MYT1L: variants seen among roughly 807,000 people sequenced by gnomAD.
The protein encoded by MYT1L is myelin transcription factor 1-like protein.
Under a neutral mutation model 126.7 loss-of-function variants are expected in MYT1L, and 12 were observed. The ratio of observed to expected loss-of-function variants is 0.09; its 90% CI spans 0.06 to 0.15. The LOEUF (loss-of-function observed/expected upper bound fraction) is 0.15. Ranked by LOEUF, MYT1L falls within the 10% of genes least tolerant of loss-of-function variation. The pLI, the probability that MYT1L is intolerant of heterozygous loss-of-function variation, is 1.00. For missense variants in MYT1L, 979 were observed against 1,585.2 expected, an observed-to-expected ratio of 0.62 and a Z score of 6.49; for synonymous variants, 541 against 604.2, an observed-to-expected ratio of 0.90 and a Z score of 1.53.
At chr2:2,274,910 C>G (rs746765134) in intron 2 of MYT1L, among the ~76,000 whole-genome samples, 1 of 152,122 alleles carries the variant, frequency 6.6e-6, no homozygotes, top group East Asian at 1.9e-4. Flanking sequence ...AGCCTCCACT[C>G]GGAGAGCTGT....
intron 14 of MYT1L, among the ~76,000 whole-genome samples, chr2:1,898,739 CAGG>C (rs2148925118): frequency 6.6e-6 from 1 of 152,298 alleles, no homozygotes; most frequent in Admixed American, 6.5e-5. Context: ...GGACTGCCTG[CAGG>C]AGGAGAAAAC....
chr2:1,841,189 A>T (rs2148400645), intron 19 of MYT1L: 1 of 109,998 alleles, frequency 9.1e-6, no homozygotes, highest in Non-Finnish European at 1.5e-5. Context: ...TTTGAGACAG[A>T]GTCTTGCTCT....
At chr2:2,211,030 T>C (rs75847618) in intron 2 of MYT1L, among the ~76,000 whole-genome samples, 15,552 of 152,236 alleles carry the variant, frequency 0.1, 955 homozygotes, top group South Asian at 0.19. Context: ...TTTCACATTG[T>C]TCAGTGTTGA....
chr2:2,162,406 G>A (rs760758992), intron 3 of MYT1L, among the ~76,000 whole-genome samples: 18 of 151,844 alleles, frequency 1.2e-4, no homozygotes, highest in South Asian at 2.1e-4. Context: ...GAAGGAGGTC[G>A]GGCAGGAATG....
At chr2:2,192,129 C>A (rs1183640466) in intron 2 of MYT1L, among the ~76,000 whole-genome samples, 1 of 152,224 alleles carries the variant, frequency 6.6e-6, no homozygotes, top group Non-Finnish European at 1.5e-5. Context: ...CTGGTGTGTA[C>A]TTTGCCAGAA....
intron 4 of MYT1L, among the ~76,000 whole-genome samples, chr2:2,009,202 C>T (rs1483854533): frequency 1.3e-5 from 2 of 149,350 alleles, no homozygotes; most frequent in Admixed American, 6.7e-5. Flanking sequence ...GTTCTACAAA[C>T]ATTTTAGGAT....
At chr2:1,939,365 C>T (rs1442290818) in intron 9 of MYT1L, among the ~76,000 whole-genome samples, 1 of 152,194 alleles carries the variant, frequency 6.6e-6, no homozygotes, top group African/African-American at 2.4e-5. Context: ...TGACCCAGAA[C>T]TCCAGCGATC....
At chr2:1,945,345 C>T (rs1052716461) in intron 8 of MYT1L, among the ~76,000 whole-genome samples, 3 of 152,160 alleles carry the variant, frequency 2.0e-5, no homozygotes, top group East Asian at 1.9e-4. Context: ...AGACAGCCAG[C>T]GCCATGTTCA....
intron 4 of MYT1L, among the ~76,000 whole-genome samples, chr2:2,022,042 G>A (rs1274329989): frequency 2.0e-5 from 3 of 152,208 alleles, no homozygotes; most frequent in African/African-American, 7.2e-5. Flanking sequence ...AAATCTCAGG[G>A]TCGGGAGTCT....
At chr2:2,303,435 A>AT (rs1290967930) in intron 1 of MYT1L, 1 of 152,460 alleles carries the variant, frequency 6.6e-6, no homozygotes, top group Non-Finnish European at 1.5e-5. Context: ...ACTGATGCTT[A>AT]TTTTCCAAAC....
At chr2:2,050,392 C>T (rs1467257179) in intron 4 of MYT1L, among the ~76,000 whole-genome samples, 2 of 151,994 alleles carry the variant, frequency 1.3e-5, no homozygotes, top group Non-Finnish European at 2.9e-5. Context: ...TGTAGTTTTT[C>T]GGGAAACAGA....
At chr2:2,037,041 C>T (rs2066935811) in intron 4 of MYT1L, among the ~76,000 whole-genome samples, 2 of 152,218 alleles carry the variant, frequency 1.3e-5, no homozygotes, top group African/African-American at 2.4e-5. Flanking sequence ...TTCCTGTTCC[C>T]TCTGCCTGAA....
At chr2:2,025,283 C>T (rs973273355) in intron 4 of MYT1L, among the ~76,000 whole-genome samples, 2 of 152,144 alleles carry the variant, frequency 1.3e-5, no homozygotes, top group Admixed American at 6.5e-5. Context: ...CTCAAGCTCC[C>T]GGAGTGAGTC....
At chr2:2,223,205 C>G (rs573666628) in intron 2 of MYT1L, among the ~76,000 whole-genome samples, 2 of 152,212 alleles carry the variant, frequency 1.3e-5, no homozygotes, top group East Asian at 3.9e-4. Context: ...TCAAATCAGA[C>G]CTGGTTAACT....
intron 3 of MYT1L, among the ~76,000 whole-genome samples, chr2:2,161,773 G>A (rs1036554686): frequency 1.3e-5 from 2 of 152,164 alleles, no homozygotes; most frequent in Non-Finnish European, 2.9e-5. Flanking sequence ...ACTCTGGGCA[G>A]GAACTCTGCA....
chr2:2,222,664 G>A (rs141423442), intron 2 of MYT1L, among the ~76,000 whole-genome samples: 390 of 152,200 alleles, frequency 2.6e-3, no homozygotes, highest in Middle Eastern at 6.8e-3. Context: ...GGGCTAAGAT[G>A]TAAGATGGAC....
intron 18 of MYT1L, among the ~76,000 whole-genome samples, chr2:1,859,326 T>A (rs1242383574): frequency 2.0e-5 from 3 of 152,220 alleles, no homozygotes; most frequent in Non-Finnish European, 4.4e-5. Context: ...CTTTTCTTTT[T>A]AAATTACACT....
At chr2:1,862,676 C>G (rs928558873) in intron 18 of MYT1L, among the ~76,000 whole-genome samples, 1 of 152,178 alleles carries the variant, frequency 6.6e-6, no homozygotes, top group African/African-American at 2.4e-5. Flanking sequence ...ATTACACTGT[C>G]CTCTGCTTCT....
intron 2 of MYT1L, among the ~76,000 whole-genome samples, chr2:2,180,786 G>A (rs1389345151): frequency 6.6e-6 from 1 of 151,038 alleles, no homozygotes; most frequent in Non-Finnish European, 1.5e-5. Context: ...GTACCTGTGT[G>A]TGCCTGTGTG....
Sources: allele counts gnomAD v4.1 joint callset (sites outside exome capture counted in the v4.1 genomes callset), GRCh38; gene constraint gnomAD v4.1.1; transcripts MANE v1.5; gene names NCBI Gene and HGNC (gene_info 2026-07-23, HGNC 2026-07-21).